Variants in STAMBP observed in about 807,000 individuals in gnomAD.
The protein encoded by STAMBP is STAM binding protein.
Under a neutral mutation model 50.7 loss-of-function variants are expected in STAMBP, and 31 were observed. That is an observed-to-expected ratio of 0.61 (90% CI 0.46 to 0.83). The LOEUF is 0.83. Ranked by LOEUF, STAMBP falls within the 40% of genes least tolerant of loss-of-function variation. The pLI is 0.00. For missense variants in STAMBP, 472 were observed against 518.9 expected (o/e 0.91, Z 0.88); for synonymous variants, 211 against 192.4 (o/e 1.10, Z -0.80).
At chr2:73,843,509 T>C (rs1418360973) in intron 2 of STAMBP, among the ~76,000 whole-genome samples, 1 of 151,548 alleles carries the variant, frequency 6.6e-6, no homozygotes, top group Non-Finnish European at 1.5e-5. Flanking sequence ...GCTCAAGCAG[T>C]CTTCCTGCCT....
At position 73,863,716 on chromosome 2, in the gene STAMBP, ACAGTCCTGAAATTGCC is replaced by A. The variant is rs1434822586; in HGVS notation, c.*1465_*1480del. The A allele has an allele frequency of 1.3e-5, 2 of 152,256 alleles. No homozygotes were observed. The highest frequency in any genetic ancestry group is 4.8e-5 in the African/African-American group (2 of 41,440). 9.4% of individuals were successfully genotyped at this position (152,256 alleles called of 1,614,324 possible). On this transcript the variant is annotated 3_prime_UTR_variant, in exon 10 of 10. Coordinates refer to ENST00000394070, the MANE Select transcript of STAMBP (RefSeq NM_213622.4). ...GCCTGGCTGTTCCACCTTGCTCTAA[ACAGTCCTGAAATTGCC>A]CAGTCCTCTGCTTTTGGGAAATCCA... is the stretch of plus-strand genomic sequence containing the variant.
chr2:73,840,119 A>G (rs1675191759), intron 2 of STAMBP, among the ~76,000 whole-genome samples: 3 of 152,108 alleles, frequency 2.0e-5, no homozygotes, highest in Admixed American at 2.0e-4. Flanking sequence ...ATTGTAATGT[A>G]TACTCTATGG....
chr2:73,841,413 A>G (rs1295254085), intron 2 of STAMBP, among the ~76,000 whole-genome samples: 2 of 149,568 alleles, frequency 1.3e-5, no homozygotes, highest in Non-Finnish European at 1.5e-5. Context: ...AATATTGACT[A>G]TGTTCTAGAT....
intron 2 of STAMBP, 140 bp downstream of exon 2, chr2:73,831,199 C>G (rs575355947): frequency 2.8e-5 from 19 of 671,738 alleles, no homozygotes; most frequent in Non-Finnish European, 3.1e-5. Context: ...ATTGGCTGTC[C>G]TTGCCGTTCA....
downstream of STAMBP, among the ~76,000 whole-genome samples, chr2:73,867,526 G>A (rs1008059181): frequency 6.6e-6 from 1 of 151,692 alleles, no homozygotes; most frequent in Non-Finnish European, 1.5e-5. Flanking sequence ...CCTGGGCAAC[G>A]AGCGAAACTC....
downstream of STAMBP, among the ~76,000 whole-genome samples, chr2:73,871,392 A>G (rs1679192124): frequency 6.6e-6 from 1 of 151,468 alleles, no homozygotes; most frequent in Non-Finnish European, 1.5e-5. Flanking sequence ...AAAAATACCA[A>G]AAAAAATTAG....
In STAMBP at chr2:73,864,514, C is replaced by T. The variant is rs900368109; in HGVS notation, c.*2255C>T. ...CGTGGAATCAAGCCAGCCCACAAGC[C>T]CTGAGACTGGATAGGCCGGAGAGAA... On this transcript the variant is annotated 3_prime_UTR_variant, in exon 10 of 10. Coordinates refer to ENST00000394070, the MANE Select transcript of STAMBP (RefSeq NM_213622.4). 2 of 152,398 alleles carry T rather than the reference C, an allele frequency of 1.3e-5. No homozygotes were observed. Among genetic ancestry groups the T allele is most frequent in the African/African-American group, 2.4e-5 (1 of 41,414 alleles). 9.4% of individuals were successfully genotyped at this position (152,398 alleles called of 1,614,324 possible).
chr2:73,850,123 A>G lies in STAMBP; in HGVS notation c.868-253A>G, dbSNP rs1676625931. Among the ~76,000 whole-genome samples, 2 of 152,202 alleles carry G rather than the reference A, an allele frequency of 1.3e-5. No individual in the cohort carries two copies. The highest frequency in any genetic ancestry group is 1.3e-4 in the Admixed American group (2 of 15,286). On this transcript the variant is annotated intron_variant, in intron 6 of 9. Coordinates refer to ENST00000394070, the MANE Select transcript of STAMBP (RefSeq NM_213622.4). The surrounding 1 kb of genome is among the most constrained non-coding windows in gnomAD (Gnocchi z 4.3). ...CAGCAGAGCAGTTTGGCACAGCAGG[A>G]AATTCCCTCAGGGCTGTGGTGTTTG...
chr2:73,840,636 C>T (rs182716721), intron 2 of STAMBP, among the ~76,000 whole-genome samples: 17 of 151,342 alleles, frequency 1.1e-4, no homozygotes, highest in Admixed American at 7.9e-4. Context: ...CGCAGCTACT[C>T]GGGAGGCTGA....
At chr2:73,843,092 C>G (rs1424625142) in intron 2 of STAMBP, among the ~76,000 whole-genome samples, 1 of 151,416 alleles carries the variant, frequency 6.6e-6, no homozygotes, top group Non-Finnish European at 1.5e-5. Flanking sequence ...AGAAATATGT[C>G]TTATTTATCT....
At chr2:73,871,100 A>G (rs1679180310), downstream of STAMBP, among the ~76,000 whole-genome samples, 1 of 152,138 alleles carries the variant, frequency 6.6e-6, no homozygotes, top group African/African-American at 2.4e-5. Flanking sequence ...TAATTGAACC[A>G]TAGTAAATGC....
rs1185017853 is a variant in STAMBP, at chr2:73,830,869, G to A, written c.13G>A (p.Gly5Arg). Residue 5 changes from glycine to arginine, a missense_variant, in exon 2 of 10, where the codon GGA becomes AGA. By Grantham distance (125) the Gly-to-Arg change is moderately radical. Coordinates refer to ENST00000394070, the MANE Select transcript of STAMBP (RefSeq NM_213622.4). Reference protein sequence around the residue: MSDHGDVSLPPEDRV... With the variant: MSDHRDVSLPPEDRV... ...GAACTTGGTCCTGATGTCTGACCAT[G>A]GAGATGTGAGCCTCCCGCCCGAAGA... The A allele has an allele frequency of 3.1e-6, 5 of 1,613,078 alleles. No homozygotes were observed. Among genetic ancestry groups the A allele is most frequent in the Non-Finnish European group, 4.2e-6 (5 of 1,179,958 alleles).
downstream of STAMBP, among the ~76,000 whole-genome samples, chr2:73,871,775 A>C (rs1679209021): frequency 6.6e-6 from 1 of 151,948 alleles, no homozygotes; most frequent in Non-Finnish European, 1.5e-5. Context: ...CAAGAAAAAA[A>C]CTTTTTTTTT....
At chr2:73,862,014 G>A (rs1275682265) in intron 9 of STAMBP, among the ~76,000 whole-genome samples, 189 bp from the exon 10 acceptor site, 1 of 152,060 alleles carries the variant, frequency 6.6e-6, no homozygotes, top group Admixed American at 6.5e-5. Context: ...GCTCGTGCCT[G>A]TAATCCCAGC....
chr2:73,860,560 G>A (rs1437214228), intron 9 of STAMBP: 2 of 986,526 alleles, frequency 2.0e-6, no homozygotes, highest in Non-Finnish European at 2.4e-6. Context: ...AGATTTGAAG[G>A]CAAAGGAAAA....
At position 73,849,375 on chromosome 2, in the gene STAMBP, A is replaced by G; in HGVS notation, c.755A>G (p.Asp252Gly). 6.2e-7 allele frequency: 1 copy of G among 1,613,404 alleles called. No homozygotes were observed. The highest frequency in any genetic ancestry group is 8.5e-7 in the Non-Finnish European group (1 of 1,179,796). ...LSNSESIPTI[D>G]GLRHVVVPGR... is the part of the protein sequence containing the mutation. ...TTCTCCTTTACAGTTCCCACAATCG[A>G]TGGATTGCGCCATGTGGTGGTGCCT... Residue 252 changes from aspartate to glycine, a missense_variant, in exon 6 of 10, where the codon GAT (aspartate) becomes GGT (glycine). Asp to Gly is a moderately conservative substitution (Grantham distance 94). Coordinates refer to ENST00000394070, the MANE Select transcript of STAMBP (RefSeq NM_213622.4).
chr2:73,843,456 A>G (rs1675693967), intron 2 of STAMBP, among the ~76,000 whole-genome samples: 1 of 149,640 alleles, frequency 6.7e-6, no homozygotes, highest in South Asian at 2.1e-4. Flanking sequence ...ATAAATAGAG[A>G]CAAGGTCTCA....
chr2:73,830,992 A>G lies in STAMBP; in HGVS notation c.136A>G (p.Met46Val). Residue 46 changes from methionine to valine, a missense_variant, in exon 2 of 10, where the codon ATG (methionine) becomes GTG (valine). Coordinates refer to ENST00000394070, the MANE Select transcript of STAMBP (RefSeq NM_213622.4). ...YFRSGVEIIRMASIYSEEGNI... is the reference protein window; with the variant it reads ...YFRSGVEIIRVASIYSEEGNI... The stretch of plus-strand genomic sequence containing the variant: ...CCGCTCTGGAGTTGAGATTATCCGA[A>G]TGGCATCCATTTACTCTGAGGAAGG... The G allele has an allele frequency of 6.2e-7, 1 of 1,614,210 alleles. No homozygotes were observed. Among genetic ancestry groups the G allele is most frequent in the East Asian group, 2.2e-5 (1 of 44,882 alleles).
intron 7 of STAMBP, among the ~76,000 whole-genome samples, chr2:73,858,886 T>TC (rs1047216080): frequency 6.6e-5 from 10 of 151,238 alleles, no homozygotes; most frequent in African/African-American, 1.2e-4. Context: ...GTCAGAGTAG[T>TC]CCCCCCCTTA....
Sources: allele counts gnomAD v4.1 joint callset (sites outside exome capture counted in the v4.1 genomes callset), GRCh38; gene constraint gnomAD v4.1.1; non-coding constraint Gnocchi (gnomAD v3.1); transcripts MANE v1.5; gene names NCBI Gene and HGNC (gene_info 2026-07-23, HGNC 2026-07-21).